C4orf17: variants seen among roughly 807,000 people sequenced by gnomAD.
C4orf17 encodes chromosome 4 open reading frame 17, also known as uncharacterized protein C4orf17.
In C4orf17, 25 loss-of-function variants were observed where a neutral mutation model predicts 32.0. That is an observed-to-expected ratio of 0.78 (90% CI 0.57 to 1.09). C4orf17 has a LOEUF of 1.09. Among genes scored for constraint, C4orf17 ranks in the 50% least tolerant of loss-of-function variants. The probability of loss-of-function intolerance (pLI) is 0.00; values close to 1 mark genes in which losing one functional copy is unlikely to be tolerated. For synonymous variants in C4orf17, 149 were observed against 145.8 expected, an observed-to-expected ratio of 1.02 and a Z score of -0.16; for missense variants, 420 against 420.0, an observed-to-expected ratio of 1.00 and a Z score of 0.00.
At chr4:99,513,402 C>T (rs61703471) in intron 2 of C4orf17, among the ~76,000 whole-genome samples, 194 bp downstream of exon 2, 9,473 of 152,186 alleles carry the variant, frequency 0.062, 532 homozygotes, top group African/African-American at 0.15. Flanking sequence ...GCCTGCAGTC[C>T]CTCTCTGTGT....
chr4:99,534,463 C>T (rs1723528192), intron 5 of C4orf17, among the ~76,000 whole-genome samples: 1 of 152,094 alleles, frequency 6.6e-6, no homozygotes, highest in Non-Finnish European at 1.5e-5. Flanking sequence ...ATCTTTATAA[C>T]AAAATAATTT....
chr4:99,533,815 A>G (rs1043912724), intron 5 of C4orf17, among the ~76,000 whole-genome samples: 7 of 152,126 alleles, frequency 4.6e-5, no homozygotes, highest in African/African-American at 2.4e-5. Context: ...TTGCGGGAAC[A>G]TACCAGGACT....
chr4:99,528,334 T>C (rs1007230910), intron 4 of C4orf17, among the ~76,000 whole-genome samples: 4 of 152,176 alleles, frequency 2.6e-5, no homozygotes. Flanking sequence ...TTTATTAATT[T>C]CTGCTGTTAT....
chr4:99,523,773 A>G (rs1578190150), intron 3 of C4orf17, among the ~76,000 whole-genome samples: 1 of 152,124 alleles, frequency 6.6e-6, no homozygotes, highest in Non-Finnish European at 1.5e-5. Flanking sequence ...GCTTAGGGGG[A>G]TCTAGTTATA....
Position 99,542,100 on chromosome 4 carries a change from C to G in C4orf17, c.1071C>G (p.His357Gln). ...AAAGAGCATGTTATCCTTCAACACA[C>G]CGGAGGTAGAAGTTCTAGACTGGGT... ...CPQRACYPSTHRR is the reference protein window; with the variant it reads ...CPQRACYPSTQRR Residue 357 changes from histidine to glutamine, a missense_variant, in exon 9 of 9, where the codon CAC becomes CAG. His to Gln is a conservative substitution (Grantham distance 24). Transcript: ENST00000326581. 1 of 1,613,426 alleles carries G rather than the reference C, an allele frequency of 6.2e-7. No homozygotes were observed. The highest frequency in any genetic ancestry group is 8.5e-7 in the Non-Finnish European group (1 of 1,179,528).
intron 4 of C4orf17, among the ~76,000 whole-genome samples, chr4:99,526,849 G>A (rs984408023): frequency 2.6e-5 from 4 of 151,716 alleles, no homozygotes; most frequent in African/African-American, 7.3e-5. Context: ...TTGGCAATTC[G>A]TGTCTTGTAG....
intron 2 of C4orf17, among the ~76,000 whole-genome samples, chr4:99,517,939 C>T (rs1197681999): frequency 2.0e-5 from 3 of 152,262 alleles, no homozygotes; most frequent in African/African-American, 7.2e-5. Flanking sequence ...AAGCAAGGTC[C>T]CCCAACCAGT....
intron 2 of C4orf17, 74 bp downstream of exon 2, chr4:99,513,282 A>G: frequency 6.4e-7 from 1 of 1,553,702 alleles, no homozygotes; most frequent in Non-Finnish European, 8.8e-7. Flanking sequence ...TGGCAGGTAA[A>G]CACAACGCTG....
intron 4 of C4orf17, among the ~76,000 whole-genome samples, chr4:99,525,013 T>C (rs1723362651): frequency 6.6e-6 from 1 of 152,360 alleles, no homozygotes; most frequent in Non-Finnish European, 1.5e-5. Flanking sequence ...TGTGCATCAA[T>C]AGTTCATTCC....
At chr4:99,525,521 G>A (rs990995341) in intron 4 of C4orf17, among the ~76,000 whole-genome samples, 3 of 152,204 alleles carry the variant, frequency 2.0e-5, no homozygotes, top group South Asian at 2.1e-4. Flanking sequence ...TTGGCCAGGC[G>A]CAGTGGCTCA....
intron 2 of C4orf17, chr4:99,519,381 A>G (rs1020186152): frequency 1.3e-5 from 2 of 152,220 alleles, no homozygotes; most frequent in Non-Finnish European, 2.9e-5. Flanking sequence ...TGGTGGATGT[A>G]CTACAGCAAT....
Position 99,522,674 on chromosome 4 carries a change from C to T in C4orf17, c.302C>T (p.Pro101Leu). ...ESPVRGMSPA[P>L]NGAKVPPRPH... Reference sequence around the variant, plus strand: ...CCTGTAAGAGGAATGTCGCCAGCCCCAAACGGTGCCAAAGTGCCTCCACGG... The same window carrying T: ...CCTGTAAGAGGAATGTCGCCAGCCCTAAACGGTGCCAAAGTGCCTCCACGG... Residue 101 changes from proline to leucine, a missense_variant, in exon 3 of 9, where the codon CCA becomes CTA. Pro to Leu is a moderately conservative substitution (Grantham distance 98, BLOSUM62 -3). Transcript: ENST00000326581. The T allele has an allele frequency of 6.2e-7, 1 of 1,613,928 alleles. No individual in the cohort carries two copies. The highest frequency in any genetic ancestry group is 1.3e-5 in the African/African-American group (1 of 75,006).
At chr4:99,518,567 AG>A in intron 2 of C4orf17, among the ~76,000 whole-genome samples, 7 of 130,488 alleles carry the variant, frequency 5.4e-5, no homozygotes, top group African/African-American at 2.2e-4. Flanking sequence ...AGAGAGAGAG[AG>A]AGAGAGAGAG....
In C4orf17 at chr4:99,540,457, T is replaced by A. The variant is rs749627232; in HGVS notation, c.880+2T>A. ...AAGAAAACAAGGAAGTACCAAAAGG[T>A]TAAGTACAGTTTTTGGTAACTATTG... On this transcript the variant is annotated splice_donor_variant, in intron 8 of 8. Coordinates refer to ENST00000326581, the MANE Select transcript of C4orf17 (RefSeq NM_032149.3). LOFTEE classifies it high-confidence loss of function. The A allele has an allele frequency of 7.5e-6, 12 of 1,604,814 alleles. No individual in the cohort carries two copies. The highest frequency in any genetic ancestry group is 1.0e-5 in the Non-Finnish European group (12 of 1,172,180).
At position 99,528,061 on chromosome 4, in the gene C4orf17, T is replaced by A. The variant is rs543275703; in HGVS notation, c.403-1754T>A. 2.0e-4 allele frequency among the ~76,000 whole-genome samples: 31 copies of A among 152,316 alleles called. No individual in the cohort carries two copies. In the South Asian group the frequency reaches 6.2e-3, roughly 31 times the overall value. On this transcript the variant is annotated intron_variant, in intron 4 of 8. Transcript: ENST00000326581. ...CAGTTTTTGGTAATCTATTCTTTTC[T>A]AAAAGTTGTTTATTCAGTCTAAATT...
At chr4:99,525,942 A>G (rs1274682942) in intron 4 of C4orf17, among the ~76,000 whole-genome samples, 2 of 152,138 alleles carry the variant, frequency 1.3e-5, no homozygotes, top group Non-Finnish European at 2.9e-5. Context: ...GTGTCTTTAA[A>G]AAATTTGTAA....
chr4:99,527,157 G>A (rs1723403429), intron 4 of C4orf17, among the ~76,000 whole-genome samples: 3 of 152,088 alleles, frequency 2.0e-5, no homozygotes, highest in Non-Finnish European at 4.4e-5. Context: ...TTTCACCCAT[G>A]GGTTACTTAA....
At chr4:99,537,852 A>T in intron 6 of C4orf17, 102 bp downstream of exon 6, 1 of 834,920 alleles carries the variant, frequency 1.2e-6, no homozygotes, top group African/African-American at 1.7e-5. Context: ...TTGCAAAGAT[A>T]ATGTTGCAAT....
chr4:99,518,502 AAAAAAAAAAAAAAAAAAT>A lies in C4orf17; in HGVS notation c.128-3996_128-3979del, dbSNP rs1220832418. 2.6e-4 allele frequency among the ~76,000 whole-genome samples: 17 copies of A among 66,274 alleles called. 1 individual carries two copies. The highest frequency in any genetic ancestry group is 1.4e-3 in the African/African-American group (16 of 11,430). The allele number at this position is 66,274 out of a possible 152,430, so 43.5% of individuals were successfully genotyped here. On this transcript the variant is annotated intron_variant, in intron 2 of 8. Transcript: ENST00000326581. ...TGTCTCTTTAAAAAAAAAAAAAAAA[AAAAAAAAAAAAAAAAAAT>A]ATATATATATATATATATATATATA... is the stretch of plus-strand genomic sequence containing the variant.
Sources: allele counts gnomAD v4.1 joint callset (sites outside exome capture counted in the v4.1 genomes callset), GRCh38; gene constraint gnomAD v4.1.1; transcripts MANE v1.5; gene names NCBI Gene and HGNC (gene_info 2026-07-23, HGNC 2026-07-21).